Variants in MOB1B observed in about 807,000 individuals in gnomAD.
MOB1B encodes the protein MOB kinase activator 1B.
MOB1B carries 19 observed loss-of-function variants against 24.4 expected under a neutral mutation model. That is an observed-to-expected ratio of 0.78 (90% confidence interval 0.54 to 1.14). The LOEUF (loss-of-function observed/expected upper bound fraction) is 1.14. Among genes scored for constraint, MOB1B ranks in the 50% most tolerant of loss-of-function variants. The pLI is 0.00. For missense variants in MOB1B, 243 were observed against 259.6 expected (o/e 0.94, Z 0.44); for synonymous variants, 76 against 82.1 (o/e 0.93, Z 0.40).
intron 1 of MOB1B, among the ~76,000 whole-genome samples, chr4:70,944,281 C>T (rs751480659): frequency 7.2e-5 from 11 of 152,178 alleles, no homozygotes; most frequent in South Asian, 4.1e-4. Context: ...GTGATCCTCG[C>T]GCCTTGGCCT....
intron 1 of MOB1B, among the ~76,000 whole-genome samples, chr4:70,904,529 GA>G (rs1235108046): frequency 6.6e-6 from 1 of 151,810 alleles, no homozygotes; most frequent in Admixed American, 6.6e-5. Context: ...GGGAGGCCAA[GA>G]CAGGCAGATC....
chr4:70,981,831 GAC>G, intron 5 of MOB1B, 147 bp from the exon 6 acceptor site: 1 of 581,132 alleles, frequency 1.7e-6, no homozygotes. Context: ...ATTTACCCAA[GAC>G]ACAGACCTAG....
intron 1 of MOB1B, among the ~76,000 whole-genome samples, chr4:70,936,146 C>T (rs372568005): frequency 5.9e-5 from 9 of 151,978 alleles, no homozygotes; most frequent in African/African-American, 9.7e-5. Context: ...CCACCGCGCC[C>T]GGCCGGTACA....
At chr4:70,909,068 T>A (rs1735875883) in intron 1 of MOB1B, among the ~76,000 whole-genome samples, 1 of 148,854 alleles carries the variant, frequency 6.7e-6, no homozygotes, top group Non-Finnish European at 1.5e-5. Context: ...AAAAAAAAAA[T>A]TAGCAATTTA....
At chr4:70,975,066 TAC>T in intron 3 of MOB1B, 85 bp from the exon 4 acceptor site, 1 of 982,814 alleles carries the variant, frequency 1.0e-6, no homozygotes, top group Non-Finnish European at 1.4e-6. Flanking sequence ...TGTCTGTGTG[TAC>T]ATTAGTAATA....
At chr4:70,920,175 T>C (rs1176831470) in intron 1 of MOB1B, among the ~76,000 whole-genome samples, 1 of 152,194 alleles carries the variant, frequency 6.6e-6, no homozygotes, top group Non-Finnish European at 1.5e-5. Context: ...CATTACACTT[T>C]TCACTTTTCT....
At chr4:70,916,594 G>A (rs531371455) in intron 1 of MOB1B, among the ~76,000 whole-genome samples, 1 of 151,764 alleles carries the variant, frequency 6.6e-6, no homozygotes, top group Admixed American at 6.6e-5. Context: ...TTGAGACAGA[G>A]TCTTGCTATC....
rs138253986 is a variant in MOB1B at position 70,917,212 on chromosome 4, C to T, written c.14+14662C>T. 7.6e-3 allele frequency among the ~76,000 whole-genome samples: 1,158 copies of T among 152,218 alleles called. 13 individuals carry two copies. Among genetic ancestry groups the T allele is most frequent in the African/African-American group, 0.027 (1,119 of 41,530 alleles). ...TTGTTTTTGACTGATTATGAGGCAA[C>T]GTATGTACCATTAAGGTTTCTTACC... On this transcript the variant is annotated intron_variant, in intron 1 of 5. Coordinates refer to ENST00000309395, the MANE Select transcript of MOB1B (RefSeq NM_173468.4).
chr4:70,952,935 C>CTTT (rs71211985), intron 1 of MOB1B, among the ~76,000 whole-genome samples: 294 of 72,336 alleles, frequency 4.1e-3, no homozygotes, highest in Non-Finnish European at 5.2e-3. Context: ...GTCATTTGGT[C>CTTT]TTTTTTTTTT....
intron 1 of MOB1B, among the ~76,000 whole-genome samples, chr4:70,916,337 G>T (rs1479400876): frequency 1.3e-5 from 2 of 152,164 alleles, no homozygotes; most frequent in Non-Finnish European, 2.9e-5. Context: ...CATTTCAGTT[G>T]AAGAGAGACC....
intron 1 of MOB1B, among the ~76,000 whole-genome samples, chr4:70,904,456 G>A (rs1310553439): frequency 1.3e-5 from 2 of 151,888 alleles, no homozygotes; most frequent in Non-Finnish European, 2.9e-5. Flanking sequence ...CTTGTGTCTA[G>A]TAAGCTAAAT....
chr4:70,910,348 C>T (rs1735930824), intron 1 of MOB1B, among the ~76,000 whole-genome samples: 1 of 151,790 alleles, frequency 6.6e-6, no homozygotes, highest in African/African-American at 2.4e-5. Flanking sequence ...GCTGATCCTG[C>T]CTTATACTAT....
intron 1 of MOB1B, among the ~76,000 whole-genome samples, chr4:70,919,664 A>G (rs2148872392): frequency 6.6e-6 from 1 of 152,124 alleles, no homozygotes; most frequent in South Asian, 2.1e-4. Context: ...ATGCCAGGCT[A>G]ATTTTTGTAG....
chr4:70,981,993 T>C lies in MOB1B; in HGVS notation c.587T>C (p.Ile196Thr), dbSNP rs749124116. The change falls in exon 6 of 6, where the codon ATT (isoleucine) becomes ACT (threonine). Residue 196 changes from isoleucine (I) to threonine (T), a missense_variant. Coordinates refer to ENST00000309395, the MANE Select transcript of MOB1B (RefSeq NM_173468.4). Reference protein sequence around the residue: ...FIFFVQEFNLIDRRELAPLQE... With the variant: ...FIFFVQEFNLTDRRELAPLQE... ...TATCATGCATAGGAATTCAACCTTA[T>C]TGATAGAAGAGAACTTGCACCACTC... The C allele has an allele frequency of 6.2e-6, 10 of 1,608,812 alleles. No individual in the cohort carries two copies. The highest frequency in any genetic ancestry group is 3.3e-5 in the Admixed American group (2 of 59,904).
At position 70,987,142 on chromosome 4, in the gene MOB1B, G is replaced by C. The variant is rs1196552370; in HGVS notation, c.*5085G>C. The C allele has an allele frequency of 6.6e-6, 1 of 152,006 alleles. No individual in the cohort carries two copies. The highest frequency in any genetic ancestry group is 2.4e-5 in the African/African-American group (1 of 41,420). The allele number at this position is 152,006 out of a possible 1,614,324, so 9.4% of individuals were successfully genotyped here. On this transcript the variant is annotated 3_prime_UTR_variant, in exon 6 of 6. Coordinates refer to ENST00000309395, the MANE Select transcript of MOB1B (RefSeq NM_173468.4). The stretch of plus-strand genomic sequence containing the variant: ...GATTTTGCAGGTCTTCATTGTTAGA[G>C]ATTCTGAAGTATTTACTGTCAATTC...
intron 1 of MOB1B, among the ~76,000 whole-genome samples, chr4:70,952,139 GTGT>G (rs1737835069): frequency 6.6e-6 from 1 of 152,116 alleles, no homozygotes; most frequent in South Asian, 2.1e-4. Flanking sequence ...GCTTACTGCA[GTGT>G]TGTTTGTGGT....
intron 1 of MOB1B, among the ~76,000 whole-genome samples, chr4:70,929,259 A>T (rs1736783281): frequency 6.8e-6 from 1 of 147,012 alleles, no homozygotes; most frequent in African/African-American, 2.5e-5. Context: ...GCCCACTGCA[A>T]GCTCCACCTC....
rs1739270980 is a variant in MOB1B at position 70,983,143 on chromosome 4, A to G, written c.*1086A>G. Reference sequence around the variant, plus strand: ...ATGAGAAGTTAAAAATAAATTATTAATTTTAGGTACAGACATTAAACATGG... The same window carrying G: ...ATGAGAAGTTAAAAATAAATTATTAGTTTTAGGTACAGACATTAAACATGG... On this transcript the variant is annotated 3_prime_UTR_variant, in exon 6 of 6. Transcript: ENST00000309395. 6.6e-6 allele frequency: 1 copy of G among 152,480 alleles called. No individual in the cohort carries two copies. Among genetic ancestry groups the G allele is most frequent in the Admixed American group, 6.6e-5 (1 of 15,256 alleles). 9.4% of individuals were successfully genotyped at this position (152,480 alleles called of 1,614,324 possible).
At chr4:70,939,659 G>A (rs60833574) in intron 1 of MOB1B, among the ~76,000 whole-genome samples, 1,617 of 152,338 alleles carry the variant, frequency 0.011, 29 homozygotes, top group African/African-American at 0.037. Context: ...GCGGTCGGGG[G>A]TGTGGCTCGC....
Sources: gnomAD v4.1 joint callset for allele counts (sites outside exome capture counted in the v4.1 genomes callset) on GRCh38, gnomAD v4.1.1 for gene constraint, MANE v1.5 for transcripts, NCBI Gene and HGNC (gene_info 2026-07-23, HGNC 2026-07-21) for gene names.